NOTCH2: variants seen among roughly 807,000 people sequenced by gnomAD.
The protein encoded by NOTCH2 is notch receptor 2.
Under a neutral mutation model 235.8 loss-of-function variants are expected in NOTCH2, and 29 were observed. The observed-to-expected ratio is 0.12, with a 90% confidence interval of 0.09 to 0.17. NOTCH2 has a LOEUF of 0.17. Among genes scored for constraint, NOTCH2 ranks in the 10% least tolerant of loss-of-function variants. NOTCH2 has a pLI of 1.00. For missense variants in NOTCH2, 2,285 were observed against 3,150.2 expected (o/e 0.73, Z 6.57); for synonymous variants, 1,086 against 1,141.5 (o/e 0.95, Z 0.98).
chr1:119,984,355 A>G (rs1340345862), intron 5 of NOTCH2, among the ~76,000 whole-genome samples: 2 of 152,200 alleles, frequency 1.3e-5, no homozygotes, highest in Admixed American at 1.3e-4. Context: ...TAACCCAACC[A>G]CTACGGGTCT....
intron 17 of NOTCH2, 123 bp from the exon 18 acceptor site, chr1:119,941,877 A>G: frequency 1.3e-6 from 1 of 780,482 alleles, no homozygotes; most frequent in Non-Finnish European, 2.2e-6. Flanking sequence ...TTTTCATTCA[A>G]TTTTGCCAAC....
intron 5 of NOTCH2, among the ~76,000 whole-genome samples, chr1:119,985,697 T>G (rs1651993552): frequency 6.6e-6 from 1 of 152,154 alleles, no homozygotes; most frequent in Non-Finnish European, 1.5e-5. Context: ...AAACACAAAT[T>G]TTTCCAGTTA....
intron 3 of NOTCH2, among the ~76,000 whole-genome samples, chr1:119,998,733 A>G (rs1474000776): frequency 2.0e-5 from 3 of 150,982 alleles, no homozygotes; most frequent in African/African-American, 7.3e-5. Flanking sequence ...GTACACGTGC[A>G]CAACATGCAG....
chr1:119,916,805 T>C (rs1649094868), intron 33 of NOTCH2, 111 bp from the exon 34 acceptor site: 1 of 1,074,182 alleles, frequency 9.3e-7, no homozygotes, highest in Non-Finnish European at 1.4e-6. Flanking sequence ...CCTAATTATC[T>C]CCCCGATGAA....
At chr1:120,066,799 TCTC>T (rs1553217185) in intron 1 of NOTCH2, among the ~76,000 whole-genome samples, 2 of 150,332 alleles carry the variant, frequency 1.3e-5, no homozygotes, top group African/African-American at 2.5e-5. Context: ...TAGGAATCAC[TCTC>T]CTCCTCCTCT....
At chr1:119,960,042 C>T (rs1650875670) in intron 11 of NOTCH2, among the ~76,000 whole-genome samples, 1 of 152,140 alleles carries the variant, frequency 6.6e-6, no homozygotes, top group African/African-American at 2.4e-5. Flanking sequence ...AGCTATAATG[C>T]TATTGTTTGA....
Position 119,955,096 on chromosome 1 carries a change from C to T in NOTCH2, c.2163G>A (p.Val721=), listed in dbSNP as rs1553198246. The T allele has an allele frequency of 6.2e-7, 1 of 1,614,032 alleles. No individual in the cohort carries two copies. The highest frequency in any genetic ancestry group is 8.5e-7 in the Non-Finnish European group (1 of 1,180,032). Reference sequence around the variant, plus strand: ...TGCAGGGATTGCTCAGGCATTCGTTCACCTGTGAGTAGCAGCTGGGGTGAT... The same window carrying T: ...TGCAGGGATTGCTCAGGCATTCGTTTACCTGTGAGTAGCAGCTGGGGTGAT... ...GPHHPSCYSQ[V]NECLSNPCIH... Residue 721 remains valine (V), a synonymous_variant, in exon 13 of 34, where the codon GTG becomes GTA. Transcript: ENST00000256646.
chr1:119,960,737 G>A (rs1224387418), intron 11 of NOTCH2, among the ~76,000 whole-genome samples: 2 of 151,688 alleles, frequency 1.3e-5, no homozygotes, highest in Non-Finnish European at 2.9e-5. Flanking sequence ...GCAATGACAC[G>A]AGCACAGCTC....
At chr1:119,975,697 C>T (rs1651552504) in intron 5 of NOTCH2, among the ~76,000 whole-genome samples, 1 of 148,920 alleles carries the variant, frequency 6.7e-6, no homozygotes, top group South Asian at 2.2e-4. Flanking sequence ...GTAAATATAA[C>T]AGGGTGAACC....
rs775778559 is a variant in NOTCH2 at position 119,925,333 on chromosome 1, C to T, written c.4483G>A (p.Glu1495Lys). ...CATGTCTTGCTGTTCCCCTGGCATTCAAAGTTGTCAAACAGGCACTCGACC... is the reference window on the plus strand; with the variant it reads ...CATGTCTTGCTGTTCCCCTGGCATTTAAAGTTGTCAAACAGGCACTCGACC... ...NTVECLFDNF[E>K]CQGNSKTCKY... Residue 1495 changes from glutamate to lysine, a missense_variant, in exon 25 of 34, where the codon GAA becomes AAA. Physicochemically the swap from Glu to Lys is moderately conservative, Grantham distance 56. Transcript: ENST00000256646. 1 of 1,613,948 alleles carries T rather than the reference C, an allele frequency of 6.2e-7. No homozygotes were observed. The highest frequency in any genetic ancestry group is 8.5e-7 in the Non-Finnish European group (1 of 1,180,046).
intron 8 of NOTCH2, among the ~76,000 whole-genome samples, chr1:119,966,698 C>T (rs782558476): frequency 6.6e-5 from 10 of 152,022 alleles, no homozygotes; most frequent in Non-Finnish European, 1.0e-4. Flanking sequence ...CTGTGAAAAG[C>T]GGGAAGGGAT....
At chr1:119,957,459 T>C (rs1453846051) in intron 12 of NOTCH2, among the ~76,000 whole-genome samples, 1 of 152,152 alleles carries the variant, frequency 6.6e-6, no homozygotes, top group Non-Finnish European at 1.5e-5. Context: ...AAAAATCCCC[T>C]TTAAAGCTGT....
intron 17 of NOTCH2, 30 bp from the exon 18 acceptor site, chr1:119,941,784 G>T: frequency 6.7e-7 from 1 of 1,485,776 alleles, no homozygotes; most frequent in Non-Finnish European, 9.4e-7. Flanking sequence ...TTAGACCTCT[G>T]AAGAGTAGCA....
chr1:120,006,983 C>G (rs1280885443), intron 2 of NOTCH2, among the ~76,000 whole-genome samples: 1 of 152,150 alleles, frequency 6.6e-6, no homozygotes, highest in African/African-American at 2.4e-5. Flanking sequence ...TGTGCGGTAG[C>G]TAAAATGGCT....
chr1:119,922,273 G>A lies in NOTCH2; in HGVS notation c.5176C>T (p.Arg1726Cys), dbSNP rs2101154203. ...TLRRDASNHK[R>C]REPVGQDAVG... is the part of the protein sequence containing the mutation. ...GCATCCTGTCCCACTGGCTCACGAC[G>A]CTTGTGATTGCTTGCATCTCGGCGA... The change falls in exon 28 of 34, where the codon CGT (arginine) becomes TGT (cysteine). Residue 1726 changes from arginine to cysteine, a missense_variant. By Grantham distance (180) the Arg-to-Cys change is radical. Transcript: ENST00000256646. 1 of 1,614,076 alleles carries A rather than the reference G, an allele frequency of 6.2e-7. No homozygotes were observed. Among genetic ancestry groups the A allele is most frequent in the Non-Finnish European group, 8.5e-7 (1 of 1,180,000 alleles).
chr1:119,949,680 TG>T (rs1553197510), intron 15 of NOTCH2, among the ~76,000 whole-genome samples: 2 of 152,122 alleles, frequency 1.3e-5, no homozygotes, highest in Non-Finnish European at 2.9e-5. Flanking sequence ...CCACCGTGCC[TG>T]GCCTACTATT....
At chr1:119,973,704 A>T (rs1651457372) in intron 5 of NOTCH2, among the ~76,000 whole-genome samples, 1 of 152,156 alleles carries the variant, frequency 6.6e-6, no homozygotes, top group African/African-American at 2.4e-5. Context: ...GCAGAAGGTC[A>T]CTAGATATTT....
Position 119,928,968 on chromosome 1 carries a change from C to G in NOTCH2, c.3892+8G>C, listed in dbSNP as rs1288584693. The stretch of plus-strand genomic sequence containing the variant: ...GCAGAGTGGCCAGGAGGCTAGAGAG[C>G]TTCTCACCAGTAAAGGCACTACGGC... On this transcript the variant is annotated splice_region_variant and intron_variant, in intron 23 of 33. Coordinates refer to ENST00000256646, the MANE Select transcript of NOTCH2 (RefSeq NM_024408.4). The G allele has an allele frequency of 6.2e-7, 1 of 1,612,002 alleles. No homozygotes were observed. Among genetic ancestry groups the G allele is most frequent in the Non-Finnish European group, 8.5e-7 (1 of 1,178,294 alleles).
At chr1:120,027,873 T>C (rs1653928851) in intron 2 of NOTCH2, among the ~76,000 whole-genome samples, 1 of 146,232 alleles carries the variant, frequency 6.8e-6, no homozygotes, top group African/African-American at 2.7e-5. Context: ...ATCCAGTCTA[T>C]CACCGTTGGG....
Sources: gnomAD v4.1 joint callset for allele counts (sites outside exome capture counted in the v4.1 genomes callset) on GRCh38, gnomAD v4.1.1 for gene constraint, MANE v1.5 for transcripts, NCBI Gene and HGNC (gene_info 2026-07-23, HGNC 2026-07-21) for gene names.